Variants in NEGR1 observed in about 807,000 individuals in gnomAD.
NEGR1 encodes IgLON family member 4.
Under a neutral mutation model 40.9 loss-of-function variants are expected in NEGR1, and 10 were observed. The observed-to-expected ratio is 0.24, with a 90% confidence interval of 0.15 to 0.42. NEGR1 has a LOEUF of 0.42. NEGR1 is among the 10% of genes least tolerant of loss of function. The probability of loss-of-function intolerance (pLI) is 1.00; values close to 1 mark genes in which losing one functional copy is unlikely to be tolerated. For missense variants in NEGR1, 352 were observed against 438.9 expected (o/e 0.80, Z 1.77); for synonymous variants, 185 against 166.8 (o/e 1.11, Z -0.84).
At chr1:71,593,802 A>G (rs2101522695) in intron 5 of NEGR1, among the ~76,000 whole-genome samples, 1 of 152,266 alleles carries the variant, frequency 6.6e-6, no homozygotes, top group South Asian at 2.1e-4. Context: ...TATTTCTGCT[A>G]GTCAGATTCT....
intron 1 of NEGR1, among the ~76,000 whole-genome samples, chr1:72,008,144 T>C (rs551920081): frequency 1.2e-4 from 19 of 152,218 alleles, no homozygotes; most frequent in East Asian, 1.9e-4. Flanking sequence ...TACGTGTTCA[T>C]TGGTGTTTTT....
intron 1 of NEGR1, among the ~76,000 whole-genome samples, chr1:71,994,118 C>A (rs1236536382): frequency 6.6e-6 from 1 of 152,138 alleles, no homozygotes; most frequent in South Asian, 2.1e-4. Context: ...TAGATTACTT[C>A]CCAAATGTCA....
chr1:72,231,932 A>C (rs982207362), intron 1 of NEGR1, among the ~76,000 whole-genome samples: 1 of 152,176 alleles, frequency 6.6e-6, no homozygotes, highest in Non-Finnish European at 1.5e-5. Context: ...ACTCATATAG[A>C]TGCAGAGGAA....
chr1:71,754,683 A>G (rs374141019), intron 3 of NEGR1, among the ~76,000 whole-genome samples: 54 of 131,422 alleles, frequency 4.1e-4, no homozygotes, highest in African/African-American at 1.6e-3. Flanking sequence ...TCCAGTTCCC[A>G]GAGATTCACT....
intron 1 of NEGR1, among the ~76,000 whole-genome samples, chr1:72,002,436 C>A (rs139739578): frequency 6.6e-6 from 1 of 152,118 alleles, no homozygotes; most frequent in African/African-American, 2.4e-5. Context: ...ACAGTGTTTT[C>A]TAAGAAAGTA....
At chr1:71,827,155 G>GA (rs941991259) in intron 2 of NEGR1, among the ~76,000 whole-genome samples, 2 of 149,852 alleles carry the variant, frequency 1.3e-5, no homozygotes, top group Admixed American at 6.7e-5. Flanking sequence ...TGACTTTGCA[G>GA]AAAAAAAAGG....
At chr1:72,028,712 T>C (rs1262836153) in intron 1 of NEGR1, among the ~76,000 whole-genome samples, 2 of 152,228 alleles carry the variant, frequency 1.3e-5, no homozygotes, top group African/African-American at 2.4e-5. Flanking sequence ...TCTGCTGAAA[T>C]ATTCTGCCTT....
intron 5 of NEGR1, among the ~76,000 whole-genome samples, chr1:71,596,130 T>C (rs1649704843): frequency 6.6e-6 from 1 of 151,988 alleles, no homozygotes; most frequent in East Asian, 1.9e-4. Context: ...AGATCAGTAC[T>C]ATATGGTGCC....
At chr1:71,898,080 C>T (rs1474893199) in intron 2 of NEGR1, among the ~76,000 whole-genome samples, 1 of 152,074 alleles carries the variant, frequency 6.6e-6, no homozygotes, top group Non-Finnish European at 1.5e-5. Context: ...TGAAAGAATA[C>T]TCATTATCTA....
intron 3 of NEGR1, among the ~76,000 whole-genome samples, chr1:71,745,141 T>C (rs1361106751): frequency 6.6e-6 from 1 of 152,154 alleles, no homozygotes; most frequent in East Asian, 1.9e-4. Context: ...GTTAAACAAT[T>C]TGATATAAAC....
At chr1:71,543,371 G>A (rs747508725) in intron 6 of NEGR1, among the ~76,000 whole-genome samples, 7 of 151,614 alleles carry the variant, frequency 4.6e-5, no homozygotes, top group African/African-American at 9.7e-5. Context: ...ATTACGAAGT[G>A]CCAATAAAAG....
intron 2 of NEGR1, among the ~76,000 whole-genome samples, chr1:71,934,674 C>T (rs1211711774): frequency 6.6e-6 from 1 of 152,020 alleles, no homozygotes; most frequent in Non-Finnish European, 1.5e-5. Flanking sequence ...AGGGATGAAT[C>T]AAAGGAAGAT....
chr1:72,242,623 A>G (rs1202076706), intron 1 of NEGR1, among the ~76,000 whole-genome samples: 7 of 151,628 alleles, frequency 4.6e-5, no homozygotes, highest in African/African-American at 1.7e-4. Context: ...TATTATATAT[A>G]AAGTATACTT....
intron 6 of NEGR1, among the ~76,000 whole-genome samples, chr1:71,436,889 A>C (rs1174982501): frequency 1.3e-5 from 2 of 152,202 alleles, no homozygotes; most frequent in African/African-American, 4.8e-5. Context: ...TGTGTTAATC[A>C]ACTGCTTATG....
chr1:72,217,881 T>C (rs1044983756), intron 1 of NEGR1, among the ~76,000 whole-genome samples: 18 of 151,844 alleles, frequency 1.2e-4, no homozygotes, highest in African/African-American at 4.3e-4. Context: ...AGTTTTCTCT[T>C]AGGCCAGTTT....
intron 1 of NEGR1, among the ~76,000 whole-genome samples, chr1:72,250,370 T>C (rs965877952): frequency 6.6e-6 from 1 of 152,082 alleles, no homozygotes; most frequent in Non-Finnish European, 1.5e-5. Context: ...TTTCCCTACC[T>C]AGTCAGAGAA....
chr1:72,123,925 TTC>T (rs1422425190), intron 1 of NEGR1, among the ~76,000 whole-genome samples: 1 of 152,004 alleles, frequency 6.6e-6, no homozygotes, highest in Non-Finnish European at 1.5e-5. Context: ...ATGATTCTGT[TTC>T]AGTTAGCACT....
At chr1:72,020,704 C>G (rs1255601552) in intron 1 of NEGR1, among the ~76,000 whole-genome samples, 1 of 152,060 alleles carries the variant, frequency 6.6e-6, no homozygotes, top group African/African-American at 2.4e-5. Flanking sequence ...ACAACCACCA[C>G]CACCAAAGTA....
Position 71,531,532 on chromosome 1 carries a change from G to T in NEGR1, c.940+61285C>A, listed in dbSNP as rs148873079. On this transcript the variant is annotated intron_variant, in intron 6 of 6. Transcript: ENST00000357731. ...TTATATTAATCTGTAGAGGACAAAG[G>T]CATTAGTAGGAATCACACCTAATAA... Among the ~76,000 whole-genome samples the T allele has an allele frequency of 1.9e-3, 281 of 151,342 alleles. 3 individuals carry two copies. The East Asian group carries it at 0.036, about 19-fold the overall frequency.
Sources: allele counts gnomAD v4.1 joint callset (sites outside exome capture counted in the v4.1 genomes callset), GRCh38; gene constraint gnomAD v4.1.1; transcripts MANE v1.5; gene names NCBI Gene and HGNC (gene_info 2026-07-23, HGNC 2026-07-21).